PHLPP1: variants seen among roughly 807,000 people sequenced by gnomAD.
The protein encoded by PHLPP1 is PH domain and leucine rich repeat protein phosphatase 1.
PHLPP1 carries 42 observed loss-of-function variants against 117.2 expected under a neutral mutation model. That is an observed-to-expected ratio of 0.36 (90% CI 0.28 to 0.46). The LOEUF is 0.46. Among genes scored for constraint, PHLPP1 ranks in the 20% least tolerant of loss-of-function variants. PHLPP1 has a pLI of 1.00. For missense variants in PHLPP1, 2,084 were observed against 2,241.9 expected, an observed-to-expected ratio of 0.93 and a Z score of 1.42; for synonymous variants, 1,042 against 970.7, an observed-to-expected ratio of 1.07 and a Z score of -1.37.
At chr18:62,824,254 A>G (rs1787241) in intron 1 of PHLPP1, 5 of 454,130 alleles carry the variant, frequency 1.1e-5, no homozygotes, top group Non-Finnish European at 2.2e-5. Flanking sequence ...GAGAGGAATC[A>G]AAACATTTGT....
chr18:62,715,607 C>T lies in PHLPP1; in HGVS notation c.-77C>T. 9.9e-7 allele frequency: 1 copy of T among 1,011,454 alleles called. No homozygotes were observed. Among genetic ancestry groups the T allele is most frequent in the Non-Finnish European group, 1.3e-6 (1 of 782,214 alleles). The allele number at this position is 1,011,454 out of a possible 1,614,324, so 62.7% of individuals were successfully genotyped here. A position where few individuals can be genotyped will look rare whatever the true frequency, so the allele number is the denominator to read the frequency against. On this transcript the variant is annotated 5_prime_UTR_variant, in exon 1 of 17. Coordinates refer to ENST00000262719, the MANE Select transcript of PHLPP1 (RefSeq NM_194449.4). ...TCCCTTCTCCGCGCGCCGCCGCCGT[C>T]TCCCACCTCCGCCTCATCGCCTCCC...
At position 62,895,889 on chromosome 18, in the gene PHLPP1, C is replaced by T. The variant is rs1482326811; in HGVS notation, c.2322C>T (p.Asp774=). ...GTCTTTCTTTCAATGAATTTACTGA[C>T]ATTCCCGAAGTATTGGAGAAATTGA... The part of the protein sequence containing the change: ...YLGLSFNEFT[D]IPEVLEKLTA... The change falls in exon 6 of 17, where the codon GAC becomes GAT. Residue 774 remains aspartate (D), a synonymous_variant. Transcript: ENST00000262719. 1 of 1,612,694 alleles carries T rather than the reference C, an allele frequency of 6.2e-7. No individual in the cohort carries two copies. The highest frequency in any genetic ancestry group is 8.5e-7 in the Non-Finnish European group (1 of 1,178,814).
chr18:62,882,024 C>T (rs992205219), intron 4 of PHLPP1, among the ~76,000 whole-genome samples: 3 of 152,170 alleles, frequency 2.0e-5, no homozygotes, highest in Non-Finnish European at 4.4e-5. Flanking sequence ...TCCTTCCTTT[C>T]CTCATCCAGG....
At chr18:62,776,312 T>C (rs549208310) in intron 1 of PHLPP1, among the ~76,000 whole-genome samples, 26 of 152,326 alleles carry the variant, frequency 1.7e-4, no homozygotes, top group African/African-American at 6.3e-4. Flanking sequence ...TCTATGTTAG[T>C]GTATTGAGTC....
At chr18:62,759,982 C>T (rs1040397702) in intron 1 of PHLPP1, among the ~76,000 whole-genome samples, 1 of 152,138 alleles carries the variant, frequency 6.6e-6, no homozygotes, top group South Asian at 2.1e-4. Context: ...TGTTCTCAGA[C>T]CTGTGTCTCT....
At chr18:62,797,581 C>CT (rs1470105034) in intron 1 of PHLPP1, among the ~76,000 whole-genome samples, 4 of 152,134 alleles carry the variant, frequency 2.6e-5, no homozygotes, top group Non-Finnish European at 5.9e-5. Context: ...TGAGCAGAGA[C>CT]TTGAAGGAAA....
chr18:62,809,109 A>G (rs567729396), intron 1 of PHLPP1, among the ~76,000 whole-genome samples: 8 of 152,332 alleles, frequency 5.3e-5, no homozygotes, highest in Admixed American at 3.9e-4. Context: ...TTTTAAAAAT[A>G]TATGTTTTAT....
chr18:62,875,347 C>G (rs1916021205), intron 4 of PHLPP1, among the ~76,000 whole-genome samples: 1 of 152,036 alleles, frequency 6.6e-6, no homozygotes, highest in Admixed American at 6.6e-5. Context: ...TTAACATTCT[C>G]CTTTGGATAT....
chr18:62,739,914 C>T lies in PHLPP1; in HGVS notation c.1576+22655C>T, dbSNP rs1753580531. 2.0e-5 allele frequency among the ~76,000 whole-genome samples: 3 copies of T among 152,194 alleles called. No homozygotes were observed. In the South Asian group the frequency reaches 6.2e-4, roughly 32 times the overall value. On this transcript the variant is annotated intron_variant, in intron 1 of 16. Coordinates refer to ENST00000262719, the MANE Select transcript of PHLPP1 (RefSeq NM_194449.4). ...ACCAAGTAATCATAGTGTATACCAT[C>T]TGTTGTGAATTCATGAGTGATTTCA... is the stretch of plus-strand genomic sequence containing the variant.
At chr18:62,791,580 T>C (rs1913458835) in intron 1 of PHLPP1, among the ~76,000 whole-genome samples, 1 of 152,206 alleles carries the variant, frequency 6.6e-6, no homozygotes, top group Non-Finnish European at 1.5e-5. Context: ...ACAGCTCTTT[T>C]GCTGCATCAT....
intron 10 of PHLPP1, among the ~76,000 whole-genome samples, chr18:62,939,212 C>CG (rs1475859052): frequency 6.6e-6 from 1 of 151,830 alleles, no homozygotes; most frequent in African/African-American, 2.4e-5. Flanking sequence ...AGGCTGGTCT[C>CG]GAACTCCTGA....
chr18:62,856,992 G>C (rs929466025), intron 3 of PHLPP1, among the ~76,000 whole-genome samples: 3 of 151,760 alleles, frequency 2.0e-5, no homozygotes, highest in East Asian at 1.9e-4. Context: ...TATTTGTAAA[G>C]AAAGCTTAAT....
At chr18:62,717,554 T>TA (rs1475310432) in intron 1 of PHLPP1, among the ~76,000 whole-genome samples, 4 of 152,184 alleles carry the variant, frequency 2.6e-5, no homozygotes, top group Non-Finnish European at 5.9e-5. Context: ...AGAGCACCTT[T>TA]AACCATAAAG....
In PHLPP1 at chr18:62,755,990, C is replaced by G. The variant is rs981137140; in HGVS notation, c.1576+38731C>G. On this transcript the variant is annotated intron_variant, in intron 1 of 16. Transcript: ENST00000262719. ...TGTGAGAATATTTTTGTTCCCCCCC[C>G]CCTTCAATTTGTGCCAAGTGAGAAC... 4.0e-5 allele frequency among the ~76,000 whole-genome samples: 6 copies of G among 149,428 alleles called. No homozygotes were observed. In the East Asian group the frequency reaches 5.9e-4, roughly 15 times the overall value.
chr18:62,939,563 A>T (rs1378221073), intron 10 of PHLPP1, among the ~76,000 whole-genome samples: 1 of 149,934 alleles, frequency 6.7e-6, no homozygotes, highest in Admixed American at 6.7e-5. Flanking sequence ...AGTGACCTTT[A>T]TTTCCTTCTC....
chr18:62,743,906 T>C (rs1313479030), intron 1 of PHLPP1, among the ~76,000 whole-genome samples: 1 of 152,188 alleles, frequency 6.6e-6, no homozygotes, highest in Non-Finnish European at 1.5e-5. Context: ...TTTGGACATA[T>C]ATGTTGATAG....
At chr18:62,769,497 T>C (rs138489672) in intron 1 of PHLPP1, among the ~76,000 whole-genome samples, 1 of 152,284 alleles carries the variant, frequency 6.6e-6, no homozygotes, top group Non-Finnish European at 1.5e-5. Context: ...AAAGGATGTA[T>C]TCTTTGTTTC....
intron 1 of PHLPP1, among the ~76,000 whole-genome samples, chr18:62,791,017 T>C (rs1913440472): frequency 6.6e-6 from 1 of 152,120 alleles, no homozygotes; most frequent in South Asian, 2.1e-4. Context: ...TTCGGTGTGC[T>C]GAGTTGAGGA....
intron 1 of PHLPP1, among the ~76,000 whole-genome samples, chr18:62,736,258 C>T (rs538423355): frequency 6.6e-6 from 1 of 152,248 alleles, no homozygotes; most frequent in South Asian, 2.1e-4. Context: ...ATCTCAGGCC[C>T]CACCTCAGAC....
Sources: allele counts gnomAD v4.1 joint callset (sites outside exome capture counted in the v4.1 genomes callset), GRCh38; gene constraint gnomAD v4.1.1; transcripts MANE v1.5; gene names NCBI Gene and HGNC (gene_info 2026-07-23, HGNC 2026-07-21).